VPS13B: variants seen among roughly 807,000 people sequenced by gnomAD.
VPS13B encodes intermembrane lipid transfer protein VPS13B.
In VPS13B, 285 loss-of-function variants were observed where a neutral mutation model predicts 426.4. That is an observed-to-expected ratio of 0.67 (90% CI 0.61 to 0.74). The LOEUF is 0.74. Ranked by LOEUF, VPS13B falls within the 30% of genes least tolerant of loss-of-function variation. The pLI is 0.00. For synonymous variants in VPS13B, 1,676 were observed against 1,676.4 expected (o/e 1.00, Z 0.01); for missense variants, 4,537 against 4,782.6 (o/e 0.95, Z 1.51).
intron 21 of VPS13B, among the ~76,000 whole-genome samples, chr8:99,399,540 G>A (rs1814921479): frequency 6.6e-6 from 1 of 152,048 alleles, no homozygotes; most frequent in Admixed American, 6.5e-5. Flanking sequence ...AATAGTTTAT[G>A]AAGATGATAA....
chr8:99,727,447 A>G (rs1001360723), intron 39 of VPS13B, among the ~76,000 whole-genome samples: 3 of 152,234 alleles, frequency 2.0e-5, no homozygotes, highest in Non-Finnish European at 4.4e-5. Context: ...GCCAATTTAC[A>G]AAAGAAAGAG....
At chr8:99,464,221 TTTG>T (rs935635876) in intron 23 of VPS13B, among the ~76,000 whole-genome samples, 1 of 152,170 alleles carries the variant, frequency 6.6e-6, no homozygotes, top group Non-Finnish European at 1.5e-5. Flanking sequence ...GGAAGGCATT[TTTG>T]TTGTTGTTTC....
At chr8:99,670,565 T>G (rs933102293) in intron 35 of VPS13B, among the ~76,000 whole-genome samples, 4 of 152,108 alleles carry the variant, frequency 2.6e-5, no homozygotes, top group Admixed American at 6.6e-5. Context: ...GTCATAATGC[T>G]GTAGATTAGA....
chr8:99,478,463 T>TTGTTTTTTTTTTTTTTTTTTTG (rs1563752192), intron 24 of VPS13B, among the ~76,000 whole-genome samples: 1 of 112,880 alleles, frequency 8.9e-6, no homozygotes, highest in Non-Finnish European at 1.8e-5. Context: ...TTTTTTTTTT[T>TTGTTTTTTTTTTTTTTTTTTTG]TTGTTTTTTG....
intron 4 of VPS13B, among the ~76,000 whole-genome samples, chr8:99,100,404 C>T (rs138448959): frequency 1.3e-5 from 2 of 152,270 alleles, no homozygotes; most frequent in African/African-American, 4.8e-5. Context: ...GATTCTCTTG[C>T]CTTAGCCTCC....
intron 5 of VPS13B, among the ~76,000 whole-genome samples, chr8:99,106,799 C>T (rs1473737659): frequency 6.6e-6 from 1 of 152,212 alleles, no homozygotes; most frequent in Non-Finnish European, 1.5e-5. Context: ...TCTATTCCCT[C>T]TCCCTGCACA....
Position 99,832,424 on chromosome 8 carries a change from C to G in VPS13B, c.9386C>G (p.Pro3129Arg), listed in dbSNP as rs768089068. The G allele has an allele frequency of 8.3e-6, 13 of 1,574,818 alleles. No individual in the cohort carries two copies. The highest frequency in any genetic ancestry group is 7.9e-5 in the South Asian group (7 of 89,018). The change falls in exon 52 of 62, where the codon CCT becomes CGT. Residue 3129 changes from proline to arginine, a missense_variant. Around this residue, in one of 2 missense-constraint regions of VPS13B, gnomAD observed 4,311 missense variants for 4,474.3 expected, o/e 0.96. Transcript: ENST00000357162. ...AGCATTTGCCCAGGTGGAGAGCAGC[C>G]TGCTATGAAATCCAGCTCCCTTCCT... ...TFSICPGGEQ[P>R]AMKSSSLPCW... is the part of the protein sequence containing the mutation.
chr8:99,062,654 G>A (rs975070303), intron 3 of VPS13B, among the ~76,000 whole-genome samples: 1 of 151,892 alleles, frequency 6.6e-6, no homozygotes, highest in Non-Finnish European at 1.5e-5. Flanking sequence ...TTTTAGTAGA[G>A]ATGGGGTGTC....
At chr8:99,367,206 G>C (rs552543538) in intron 19 of VPS13B, among the ~76,000 whole-genome samples, 1 of 152,298 alleles carries the variant, frequency 6.6e-6, no homozygotes, top group South Asian at 2.1e-4. Flanking sequence ...AAATCTCTCA[G>C]ATTTTGTTTG....
chr8:99,115,281 G>A (rs969094628), intron 6 of VPS13B, among the ~76,000 whole-genome samples: 2 of 151,970 alleles, frequency 1.3e-5, no homozygotes, highest in Non-Finnish European at 2.9e-5. Context: ...AATGATTAGA[G>A]TTTCACTAAA....
chr8:99,185,484 A>G (rs1407929751), intron 16 of VPS13B, among the ~76,000 whole-genome samples: 1 of 152,172 alleles, frequency 6.6e-6, no homozygotes, highest in Non-Finnish European at 1.5e-5. Flanking sequence ...AAAGAACTGT[A>G]CTCATTTTAT....
At chr8:99,278,843 G>A (rs1348103448) in intron 19 of VPS13B, among the ~76,000 whole-genome samples, 2 of 152,126 alleles carry the variant, frequency 1.3e-5, no homozygotes, top group Admixed American at 6.5e-5. Flanking sequence ...TTCCTTCCTT[G>A]ATTGCATTCT....
At chr8:99,644,253 G>T (rs559835659) in intron 34 of VPS13B, among the ~76,000 whole-genome samples, 1 of 152,172 alleles carries the variant, frequency 6.6e-6, no homozygotes, top group African/African-American at 2.4e-5. Context: ...GGCAAGCCAG[G>T]GACCACAGTA....
intron 17 of VPS13B, among the ~76,000 whole-genome samples, chr8:99,268,678 T>C (rs183776896): frequency 5.3e-5 from 8 of 152,292 alleles, no homozygotes; most frequent in African/African-American, 1.7e-4. Context: ...CAGGAGGAAC[T>C]TGCTTTGTCT....
At chr8:99,448,274 A>G (rs1372923494) in intron 23 of VPS13B, among the ~76,000 whole-genome samples, 10 of 151,920 alleles carry the variant, frequency 6.6e-5, no homozygotes, top group Admixed American at 6.6e-4. Context: ...CATACTCCCT[A>G]AGAGAATATA....
intron 37 of VPS13B, among the ~76,000 whole-genome samples, chr8:99,719,114 G>A (rs1344647296): frequency 6.6e-6 from 1 of 152,072 alleles, no homozygotes; most frequent in African/African-American, 2.4e-5. Context: ...CAATAAACAT[G>A]TATTACTTTA....
chr8:99,210,542 A>T (rs554694044), intron 17 of VPS13B, among the ~76,000 whole-genome samples: 93 of 152,282 alleles, frequency 6.1e-4, no homozygotes, highest in African/African-American at 2.2e-3. Context: ...TCTCGAAACT[A>T]TATTTGAAAG....
At chr8:99,135,537 TTTTG>T in intron 10 of VPS13B, 55 bp from the exon 11 acceptor site, 1 of 1,583,354 alleles carries the variant, frequency 6.3e-7, no homozygotes, top group Non-Finnish European at 8.6e-7. Flanking sequence ...CAAGGTTTTA[TTTTG>T]TTTAACAGGC....
At chr8:99,323,685 A>G (rs1310386001) in intron 19 of VPS13B, among the ~76,000 whole-genome samples, 3 of 152,228 alleles carry the variant, frequency 2.0e-5, no homozygotes, top group Admixed American at 2.0e-4. Context: ...TCTAAGCACA[A>G]TTAAAACTTA....
Sources: allele counts gnomAD v4.1 joint callset (sites outside exome capture counted in the v4.1 genomes callset), GRCh38; gene constraint gnomAD v4.1.1; regional missense constraint gnomAD v4.1.1; transcripts MANE v1.5; gene names NCBI Gene and HGNC (gene_info 2026-07-23, HGNC 2026-07-21).